SUCLG2: variants seen among roughly 807,000 people sequenced by gnomAD.
SUCLG2 encodes the protein succinate-CoA ligase GDP-forming subunit beta.
In SUCLG2, 42 loss-of-function variants were observed where a neutral mutation model predicts 47.9. The ratio of observed to expected loss-of-function variants is 0.88; its 90% CI spans 0.69 to 1.14. SUCLG2 has a LOEUF of 1.14. SUCLG2 is among the 50% of genes most tolerant of loss of function. The pLI is 0.00. For synonymous variants in SUCLG2, 195 were observed against 197.3 expected (o/e 0.99, Z 0.10); for missense variants, 571 against 525.9 (o/e 1.09, Z -0.84).
chr3:67,450,250 C>T (rs1704024584), intron 9 of SUCLG2, among the ~76,000 whole-genome samples: 1 of 152,148 alleles, frequency 6.6e-6, no homozygotes. Flanking sequence ...CTATGATTCC[C>T]AGGCTGATCT....
At chr3:67,513,650 T>C (rs936060340) in intron 6 of SUCLG2, among the ~76,000 whole-genome samples, 1 of 152,186 alleles carries the variant, frequency 6.6e-6, no homozygotes, top group African/African-American at 2.4e-5. Flanking sequence ...AAGTTAAAAA[T>C]AAGCACAGGT....
chr3:67,410,482 G>A (rs1281588417), intron 9 of SUCLG2, among the ~76,000 whole-genome samples: 2 of 152,158 alleles, frequency 1.3e-5, no homozygotes, highest in East Asian at 3.8e-4. Flanking sequence ...TGGGGGAATA[G>A]CACAAGCACA....
At chr3:67,620,170 G>A (rs535971266) in intron 1 of SUCLG2, among the ~76,000 whole-genome samples, 88 of 152,330 alleles carry the variant, frequency 5.8e-4, no homozygotes, top group Middle Eastern at 3.4e-3. Context: ...AATCAGCACA[G>A]ACAAGTTCTT....
intron 2 of SUCLG2, among the ~76,000 whole-genome samples, chr3:67,554,688 C>T (rs1441549233): frequency 3.3e-5 from 5 of 151,972 alleles, no homozygotes; most frequent in Non-Finnish European, 7.3e-5. Context: ...ACATGAAGTC[C>T]CAAGGTGAGT....
intron 9 of SUCLG2, among the ~76,000 whole-genome samples, chr3:67,407,018 G>A (rs961741132): frequency 9.2e-5 from 14 of 152,134 alleles, no homozygotes; most frequent in South Asian, 2.1e-4. Context: ...ACCAGGGATC[G>A]ACAACATCTT....
At chr3:67,362,848 A>C (rs1004468005) in intron 10 of SUCLG2, among the ~76,000 whole-genome samples, 12 of 152,198 alleles carry the variant, frequency 7.9e-5, no homozygotes, top group Admixed American at 2.6e-4. Context: ...GCCTGTAATC[A>C]GTGACTCATA....
chr3:67,410,864 T>C (rs1702918714), intron 9 of SUCLG2, among the ~76,000 whole-genome samples: 1 of 152,254 alleles, frequency 6.6e-6, no homozygotes, highest in African/African-American at 2.4e-5. Flanking sequence ...CAAAGCAGGA[T>C]ACTCATTGCT....
intron 1 of SUCLG2, among the ~76,000 whole-genome samples, chr3:67,642,644 G>C (rs1024173102): frequency 6.6e-6 from 1 of 152,130 alleles, no homozygotes; most frequent in Non-Finnish European, 1.5e-5. Flanking sequence ...AATAAAATGA[G>C]CTTAGCAATG....
downstream of SUCLG2, among the ~76,000 whole-genome samples, chr3:67,373,718 CTCTT>C (rs1030718254): frequency 4.6e-5 from 7 of 152,194 alleles, no homozygotes; most frequent in East Asian, 1.9e-4. Context: ...TCCTTCCTCC[CTCTT>C]TCTTTCGTTT....
At chr3:67,380,108 C>T (rs932254177) in intron 10 of SUCLG2, among the ~76,000 whole-genome samples, 5 of 152,052 alleles carry the variant, frequency 3.3e-5, no homozygotes, top group African/African-American at 4.8e-5. Context: ...TCCTAACAAC[C>T]CTTTCCTATA....
At chr3:67,385,884 C>CA (rs1475683336) in intron 10 of SUCLG2, among the ~76,000 whole-genome samples, 1 of 152,146 alleles carries the variant, frequency 6.6e-6, no homozygotes, top group African/African-American at 2.4e-5. Flanking sequence ...GGGCTGTGAA[C>CA]AATGGGAGCA....
chr3:67,572,601 C>G (rs1482147557), intron 2 of SUCLG2, among the ~76,000 whole-genome samples: 1 of 151,978 alleles, frequency 6.6e-6, no homozygotes, highest in Admixed American at 6.6e-5. Context: ...ATGATTTAAC[C>G]CAGAGCAGTA....
chr3:67,567,098 T>C (rs1385266691), intron 2 of SUCLG2, among the ~76,000 whole-genome samples: 3 of 152,018 alleles, frequency 2.0e-5, no homozygotes, highest in Admixed American at 2.0e-4. Context: ...CTGGGAGGAT[T>C]GCTTGAGCCT....
At chr3:67,576,367 C>G (rs1039905179) in intron 2 of SUCLG2, among the ~76,000 whole-genome samples, 4 of 151,682 alleles carry the variant, frequency 2.6e-5, no homozygotes, top group Non-Finnish European at 5.9e-5. Context: ...AGAAGTATTT[C>G]ATGTGGGCCA....
intron 1 of SUCLG2, among the ~76,000 whole-genome samples, chr3:67,628,089 A>G (rs1042498098): frequency 7.2e-5 from 11 of 152,286 alleles, no homozygotes; most frequent in African/African-American, 2.2e-4. Flanking sequence ...CATAGTCTCT[A>G]TCTTTCTAAC....
At chr3:67,462,356 A>G (rs1704357908) in intron 9 of SUCLG2, among the ~76,000 whole-genome samples, 1 of 152,200 alleles carries the variant, frequency 6.6e-6, no homozygotes, top group South Asian at 2.1e-4. Flanking sequence ...AGAGAGGCCA[A>G]GAAGCATCTG....
intron 9 of SUCLG2, among the ~76,000 whole-genome samples, chr3:67,457,896 T>C (rs1019125295): frequency 1.3e-5 from 2 of 151,996 alleles, no homozygotes; most frequent in African/African-American, 4.8e-5. Flanking sequence ...TCCCTTCCCT[T>C]TGGATCCTGG....
chr3:67,536,071 A>G (rs1432588625), intron 2 of SUCLG2, among the ~76,000 whole-genome samples: 2 of 152,144 alleles, frequency 1.3e-5, no homozygotes, highest in Non-Finnish European at 2.9e-5. Flanking sequence ...AGGCTACTTG[A>G]CATTAAGGGG....
At chr3:67,392,510 T>C (rs1349023658) in intron 10 of SUCLG2, among the ~76,000 whole-genome samples, 3 of 152,224 alleles carry the variant, frequency 2.0e-5, no homozygotes, top group African/African-American at 7.2e-5. Flanking sequence ...TCCAGGTAAA[T>C]AATCTACTAT....
Sources: allele counts gnomAD v4.1 joint callset (sites outside exome capture counted in the v4.1 genomes callset), GRCh38; gene constraint gnomAD v4.1.1; transcripts MANE v1.5; gene names NCBI Gene and HGNC (gene_info 2026-07-23, HGNC 2026-07-21).